Variants in CELF2 observed in about 807,000 individuals in gnomAD.
The protein encoded by CELF2 is CUG triplet repeat RNA-binding protein 2.
A neutral mutation model predicts 62.6 loss-of-function variants in CELF2; 8 were observed. The observed-to-expected ratio is 0.13, with a 90% confidence interval of 0.07 to 0.23. The LOEUF (loss-of-function observed/expected upper bound fraction) is 0.23. Ranked by LOEUF, CELF2 falls within the 10% of genes least tolerant of loss-of-function variation. The pLI is 1.00. For synonymous variants in CELF2, 258 were observed against 250.0 expected (o/e 1.03, Z -0.30); for missense variants, 333 against 671.0 (o/e 0.50, Z 5.56).
At chr10:10,803,114 A>G (rs1325165422) in intron 1 of CELF2, among the ~76,000 whole-genome samples, 1 of 152,180 alleles carries the variant, frequency 6.6e-6, no homozygotes, top group African/African-American at 2.4e-5. Context: ...CCTTCCATTG[A>G]TAACATCTCA....
At chr10:10,880,860 A>AT (rs2061397626) in intron 1 of CELF2, among the ~76,000 whole-genome samples, 1 of 152,022 alleles carries the variant, frequency 6.6e-6, no homozygotes. Flanking sequence ...TTCTGCTTTT[A>AT]TTTTTTCCAG....
At chr10:11,121,422 C>A (rs1039583392) in intron 1 of CELF2, among the ~76,000 whole-genome samples, 7 of 152,094 alleles carry the variant, frequency 4.6e-5, no homozygotes, top group Non-Finnish European at 7.4e-5. Flanking sequence ...TTTGTTTTTG[C>A]CTTCATTCCT....
chr10:10,684,473 T>C, the CELF2 span, among the ~76,000 whole-genome samples: 3 of 152,202 alleles, frequency 2.0e-5, no homozygotes, highest in African/African-American at 7.2e-5. Flanking sequence ...CCAGGCACAG[T>C]GGCTCACGCC....
the CELF2 span, among the ~76,000 whole-genome samples, chr10:10,607,486 A>T: frequency 6.6e-6 from 1 of 152,208 alleles, no homozygotes; most frequent in African/African-American, 2.4e-5. Flanking sequence ...ATTCTAAAAA[A>T]GCAGCAGGTG....
chr10:11,113,635 G>C (rs1031993701), intron 1 of CELF2, among the ~76,000 whole-genome samples: 2 of 152,194 alleles, frequency 1.3e-5, no homozygotes, highest in Admixed American at 6.5e-5. Flanking sequence ...TCAGAAGCAA[G>C]TATTCCTTAA....
intron 1 of CELF2, among the ~76,000 whole-genome samples, chr10:11,084,550 G>A (rs898417811): frequency 1.3e-5 from 2 of 152,160 alleles, no homozygotes; most frequent in Admixed American, 6.5e-5. Context: ...ATATTAATGG[G>A]CAGAGTCAAG....
At chr10:11,291,837 G>C (rs745368142) in intron 9 of CELF2, among the ~76,000 whole-genome samples, 19 of 152,198 alleles carry the variant, frequency 1.2e-4, no homozygotes, top group Non-Finnish European at 2.1e-4. Context: ...GCTTGCAAAT[G>C]AGTTAGTTTT....
rs2048992443 is a variant in CELF2 at position 10,957,137 on chromosome 10, T to G, written c.89+37138T>G. ...TAGAGGCAGCCACCTTCTCCTCTAA[T>G]CCTCTCTTTGCTGTGCCTCTCTGGA... On this transcript the variant is annotated intron_variant, in intron 2 of 13. Coordinates refer to the CELF2 transcript ENST00000636488. The surrounding 1 kb of genome is among the most constrained non-coding windows in gnomAD (Gnocchi z 4.1). Among the ~76,000 whole-genome samples the G allele has an allele frequency of 6.6e-6, 1 of 152,136 alleles. No individual in the cohort carries two copies. The highest frequency in any genetic ancestry group is 1.5e-5 in the Non-Finnish European group (1 of 68,020).
At chr10:10,590,570 C>A in the CELF2 span, among the ~76,000 whole-genome samples, 11 of 152,200 alleles carry the variant, frequency 7.2e-5, no homozygotes, top group African/African-American at 2.7e-4. Context: ...CTGCCCTTTA[C>A]TACCACCAGC....
chr10:10,683,783 A>C, the CELF2 span, among the ~76,000 whole-genome samples: 3 of 152,214 alleles, frequency 2.0e-5, no homozygotes, highest in Admixed American at 6.5e-5. Flanking sequence ...AAGTGTGTTC[A>C]TTAATATTAG....
In CELF2 at chr10:10,957,235, C is replaced by T. The variant is rs1185726455; in HGVS notation, c.89+37236C>T. Among the ~76,000 whole-genome samples the T allele has an allele frequency of 2.0e-5, 3 of 152,214 alleles. No homozygotes were observed. Among genetic ancestry groups the T allele is most frequent in the Non-Finnish European group, 4.4e-5 (3 of 68,038 alleles). ...CAGTTTCCCACTAATTCACTCAAAC[C>T]GATTTATGTATTTAGATATGACCTC... On this transcript the variant is annotated intron_variant, in intron 2 of 13. Coordinates refer to the CELF2 transcript ENST00000636488. The surrounding 1 kb of genome is among the most constrained non-coding windows in gnomAD (Gnocchi z 4.1).
chr10:11,206,363 A>T (rs117803899), intron 2 of CELF2, among the ~76,000 whole-genome samples: 1 of 152,256 alleles, frequency 6.6e-6, no homozygotes, highest in South Asian at 2.1e-4. Context: ...TTATAATGCT[A>T]TCCTATCCTC....
chr10:10,780,368 T>G, the CELF2 span, among the ~76,000 whole-genome samples: 3 of 152,202 alleles, frequency 2.0e-5, no homozygotes, highest in Admixed American at 6.5e-5. Context: ...TCAGTGCTTC[T>G]TGGTGTTGCC....
the CELF2 span, among the ~76,000 whole-genome samples, chr10:10,640,362 C>T: frequency 2.0e-5 from 3 of 152,136 alleles, no homozygotes; most frequent in Non-Finnish European, 2.9e-5. Flanking sequence ...TGGGATCCTT[C>T]CCCCAAGCAC....
chr10:10,529,918 C>G, the CELF2 span, among the ~76,000 whole-genome samples: 16 of 152,246 alleles, frequency 1.1e-4, no homozygotes, highest in South Asian at 3.3e-3. Flanking sequence ...AATTTAAGAA[C>G]GTTCCTTTGT....
At chr10:10,991,064 TAGGCAGAG>T (rs2053382391) in intron 2 of CELF2, among the ~76,000 whole-genome samples, 2 of 152,056 alleles carry the variant, frequency 1.3e-5, no homozygotes, top group Admixed American at 1.3e-4. Context: ...GTTCACAGCT[TAGGCAGAG>T]AAAGCCGAGT....
the CELF2 span, among the ~76,000 whole-genome samples, chr10:10,616,126 A>G: frequency 6.6e-6 from 1 of 152,100 alleles, no homozygotes; most frequent in Non-Finnish European, 1.5e-5. Context: ...TTGATGTGTG[A>G]CCAGAGGCTG....
chr10:10,521,604 C>G, the CELF2 span, among the ~76,000 whole-genome samples: 1 of 152,110 alleles, frequency 6.6e-6, no homozygotes, highest in African/African-American at 2.4e-5. Context: ...GCTTTTAACT[C>G]CCTTGAGCCT....
the CELF2 span, among the ~76,000 whole-genome samples, chr10:10,652,194 C>G: frequency 9.0e-6 from 1 of 110,684 alleles, no homozygotes; most frequent in Non-Finnish European, 1.9e-5. Context: ...AAGAAATGAG[C>G]AAAGCCTCCA....
Sources: gnomAD v4.1 joint callset for allele counts (sites outside exome capture counted in the v4.1 genomes callset) on GRCh38, gnomAD v4.1.1 for gene constraint, Gnocchi (gnomAD v3.1) non-coding constraint, MANE v1.5 for transcripts, NCBI Gene and HGNC (gene_info 2026-07-23, HGNC 2026-07-21) for gene names.